Variants in SPTBN2 observed in about 807,000 individuals in gnomAD.
The protein encoded by SPTBN2 is spectrin beta chain, non-erythrocytic 2.
SPTBN2 carries 107 observed loss-of-function variants against 284.2 expected under a neutral mutation model. That is an observed-to-expected ratio of 0.38 (90% CI 0.32 to 0.44). SPTBN2 has a LOEUF of 0.44. Ranked by LOEUF, SPTBN2 falls within the 20% of genes least tolerant of loss-of-function variation. SPTBN2 has a pLI of 1.00. For missense variants in SPTBN2, 2,569 were observed against 3,287.1 expected, an observed-to-expected ratio of 0.78 and a Z score of 5.34; for synonymous variants, 1,289 against 1,354.8, an observed-to-expected ratio of 0.95 and a Z score of 1.07.
chr11:66,699,344 G>T, intron 18 of SPTBN2, 62 bp downstream of exon 18: 1 of 1,590,808 alleles, frequency 6.3e-7, no homozygotes. Context: ...TTATCTTTGA[G>T]GTCACCCTGT....
rs770986418 is a variant in SPTBN2 at position 66,708,291 on chromosome 11, C to A, written c.1200G>T (p.Glu400Asp). The change falls in exon 12 of 38, where the codon GAG becomes GAT. Residue 400 changes from glutamate (E) to aspartate (D), a missense_variant. By Grantham distance (45) the Glu-to-Asp change is conservative. Around this residue, in one of 6 missense-constraint regions of SPTBN2, gnomAD observed 304 missense variants for 522.1 expected, o/e 0.58. Coordinates refer to ENST00000533211, the MANE Select transcript of SPTBN2 (RefSeq NM_006946.4). The surrounding 1 kb of genome is among the most constrained non-coding windows in gnomAD (Gnocchi z 4.4). ...GCTCGTGCTCCGCCTTCTCCAGCCG[C>A]TCCCAAGCCTATGGGGTGGGGACAG... ...RLISDINKAW[E>D]RLEKAEHERE... 1.3e-6 allele frequency: 2 copies of A among 1,593,348 alleles called. No individual in the cohort carries two copies. Among genetic ancestry groups the A allele is most frequent in the African/African-American group, 2.7e-5 (2 of 74,640 alleles).
chr11:66,692,978 G>GTGCTCGTGGTCAATCATGTCCTGGC lies in SPTBN2; in HGVS notation c.4952_4976dup (p.His1659GlnfsTer6). The GTGCTCGTGGTCAATCATGTCCTGGC allele has an allele frequency of 6.2e-7, 1 of 1,605,888 alleles. No individual in the cohort carries two copies. The highest frequency in any genetic ancestry group is 8.5e-7 in the Non-Finnish European group (1 of 1,179,972). On this transcript the variant is annotated stop_gained and frameshift_variant, in exon 25 of 38. Coordinates refer to ENST00000533211, the MANE Select transcript of SPTBN2 (RefSeq NM_006946.4). LOFTEE classifies it high-confidence loss of function. ...GCTGCCGCTGCACCCACCTCTCTGG[G>GTGCTCGTGGTCAATCATGTCCTGGC]TGCTCGTGGTCAATCATGTCCTGGC...
In SPTBN2 at chr11:66,687,413, CAG is replaced by C; in HGVS notation, c.6722+12_6722+13del. The stretch of plus-strand genomic sequence containing the variant: ...GGAAGTGCCCTCTGAGAGCAGGCTC[CAG>C]AGAGGCTGTACCTGTTGGCAGCCTT... On this transcript the variant is annotated intron_variant, in intron 35 of 37. Coordinates refer to ENST00000533211, the MANE Select transcript of SPTBN2 (RefSeq NM_006946.4). This position sits in a 1 kb window ranked among gnomAD's most constrained non-coding sequence, Gnocchi z 5.2. 6.2e-7 allele frequency: 1 copy of C among 1,603,686 alleles called. No individual in the cohort carries two copies. Among genetic ancestry groups the C allele is most frequent in the Non-Finnish European group, 8.5e-7 (1 of 1,179,750 alleles).
chr11:66,706,100 G>A (rs1424331515), intron 13 of SPTBN2, among the ~76,000 whole-genome samples: 3 of 151,856 alleles, frequency 2.0e-5, no homozygotes, highest in Admixed American at 6.6e-5. Context: ...CAGAATCATC[G>A]ACACCCTCCT....
intron 5 of SPTBN2, among the ~76,000 whole-genome samples, chr11:66,714,802 TGAG>T (rs1565150169): frequency 6.6e-6 from 1 of 151,980 alleles, no homozygotes; most frequent in African/African-American, 2.4e-5. Flanking sequence ...CACTGGGGCA[TGAG>T]GAGGAGGAGG....
rs980317076 is a variant in SPTBN2 at position 66,689,695 on chromosome 11, G to A, written c.5949+110C>T. 44 of 1,520,474 alleles carry A rather than the reference G, an allele frequency of 2.9e-5. No individual in the cohort carries two copies. The Admixed American group carries it at 7.4e-4, about 25-fold the overall frequency. The allele number at this position is 1,520,474 out of a possible 1,614,324, so 94.2% of individuals were successfully genotyped here. ...ACCCGTGAATGGCACTGAGGGGAGA[G>A]AATGAAAGGTTTCTTGCAAAGAGAG... On this transcript the variant is annotated intron_variant, in intron 29 of 37. Transcript: ENST00000533211.
rs770362202 is a variant in SPTBN2, at chr11:66,688,160, G to C, written c.6374+9C>G. 1 of 1,613,452 alleles carries C rather than the reference G, an allele frequency of 6.2e-7. No homozygotes were observed. Among genetic ancestry groups the C allele is most frequent in the Non-Finnish European group, 8.5e-7 (1 of 1,180,030 alleles). ...CCGCCTCCTCCTACCCAGGCATCCTGGCTCTCACCCGTCCCAGGTGGTGTC... is the reference window on the plus strand; with the variant it reads ...CCGCCTCCTCCTACCCAGGCATCCTCGCTCTCACCCGTCCCAGGTGGTGTC... On this transcript the variant is annotated intron_variant, in intron 32 of 37. Transcript: ENST00000533211.
chr11:66,692,512 G>A (rs771306242), intron 26 of SPTBN2, 24 bp downstream of exon 26: 1 of 1,599,384 alleles, frequency 6.3e-7, no homozygotes, highest in East Asian at 2.2e-5. Flanking sequence ...GTTGATCTGA[G>A]CTGGGTGCCC....
chr11:66,713,967 C>T lies in SPTBN2; in HGVS notation c.656+124G>A, dbSNP rs150357396. 309 of 1,074,826 alleles carry T rather than the reference C, an allele frequency of 2.9e-4. 3 individuals carry two copies. In the East Asian group the frequency reaches 7.4e-3, roughly 26 times the overall value. 66.6% of individuals were successfully genotyped at this position (1,074,826 alleles called of 1,614,324 possible). Reference sequence around the variant, plus strand: ...CCTGCACCCCCATGTTCTGGTTCTGCTCCGAGTGCTATTCCTTCCGTCTGA... The same window carrying T: ...CCTGCACCCCCATGTTCTGGTTCTGTTCCGAGTGCTATTCCTTCCGTCTGA... On this transcript the variant is annotated intron_variant, in intron 7 of 37. Transcript: ENST00000533211.
rs952758838 is a variant in SPTBN2 at position 66,688,973 on chromosome 11, A to G, written c.6034+123T>C. ...CCACTGCCCCAGAGCTGTGCCAGGC[A>G]GCACGAAGATTGGGCATCGTGAGTT... On this transcript the variant is annotated intron_variant, in intron 30 of 37. Coordinates refer to ENST00000533211, the MANE Select transcript of SPTBN2 (RefSeq NM_006946.4). The G allele has an allele frequency of 3.4e-6, 5 of 1,469,116 alleles. No homozygotes were observed. In the African/African-American group the frequency reaches 5.6e-5, roughly 16 times the overall value. 91.0% of individuals were successfully genotyped at this position (1,469,116 alleles called of 1,614,324 possible).
chr11:66,727,255 C>T (rs1942651420), intron 1 of SPTBN2, among the ~76,000 whole-genome samples: 1 of 152,190 alleles, frequency 6.6e-6, no homozygotes, highest in Non-Finnish European at 1.5e-5. Flanking sequence ...CTCACTCTGC[C>T]CCTCTTCACC....
In SPTBN2 at chr11:66,687,094, C is replaced by T. The variant is rs138457770; in HGVS notation, c.6796G>A (p.Ala2266Thr). Reference sequence around the variant, plus strand: ...ACTTCTCCGTGGTATGGCACTCCCGCGCTGGCTGCCTTGGCATCCTTGTAA... The same window carrying T: ...ACTTCTCCGTGGTATGGCACTCCCGTGCTGGCTGCCTTGGCATCCTTGTAA... ...GFYKDAKAAS[A>T]GVPYHGEVPV... Residue 2266 changes from alanine to threonine, a missense_variant, in exon 36 of 38, where the codon GCG becomes ACG. Coordinates refer to ENST00000533211, the MANE Select transcript of SPTBN2 (RefSeq NM_006946.4). This position sits in a 1 kb window ranked among gnomAD's most constrained non-coding sequence, Gnocchi z 5.2. 54 of 1,614,004 alleles carry T rather than the reference C, an allele frequency of 3.3e-5. 1 individual carries two copies. The highest frequency in any genetic ancestry group is 1.4e-4 in the South Asian group (13 of 91,088).
intron 1 of SPTBN2, among the ~76,000 whole-genome samples, chr11:66,723,387 G>C (rs1016167239): frequency 6.6e-6 from 1 of 152,088 alleles, no homozygotes; most frequent in South Asian, 2.1e-4. Flanking sequence ...GAAGGAAGGA[G>C]GTCTGGAGAA....
At chr11:66,699,366 C>G in intron 18 of SPTBN2, 40 bp downstream of exon 18, 1 of 1,607,148 alleles carries the variant, frequency 6.2e-7, no homozygotes, top group Non-Finnish European at 8.5e-7. Flanking sequence ...TCTCCGATTC[C>G]CCCCTGGGAA....
At position 66,685,681 on chromosome 11, in the gene SPTBN2, A is replaced by G. The variant is rs2135282967; in HGVS notation, c.*190T>C. On this transcript the variant is annotated 3_prime_UTR_variant, in exon 38 of 38. Coordinates refer to ENST00000533211, the MANE Select transcript of SPTBN2 (RefSeq NM_006946.4). This position sits in a 1 kb window ranked among gnomAD's most constrained non-coding sequence, Gnocchi z 4.4. The stretch of plus-strand genomic sequence containing the variant: ...TGGGTCCCACCACCAGTCTGGAATT[A>G]AACAGCAGAAGAGAAGGGCTGCCCT... 1.6e-6 allele frequency: 1 copy of G among 620,266 alleles called. No individual in the cohort carries two copies. Among genetic ancestry groups the G allele is most frequent in the East Asian group, 2.8e-5 (1 of 35,380 alleles). The allele number at this position is 620,266 out of a possible 1,614,324, so 38.4% of individuals were successfully genotyped here.
intron 1 of SPTBN2, among the ~76,000 whole-genome samples, chr11:66,734,849 C>T (rs974343903): frequency 4.6e-5 from 7 of 152,192 alleles, no homozygotes; most frequent in Non-Finnish European, 1.0e-4. Context: ...AAAATGTTTT[C>T]ATATCAAATG....
chr11:66,702,002 C>T (rs368311748), intron 15 of SPTBN2, among the ~76,000 whole-genome samples: 11 of 152,164 alleles, frequency 7.2e-5, no homozygotes, highest in Non-Finnish European at 1.5e-4. Flanking sequence ...CAAACTAGAC[C>T]CTGGCATGGG....
chr11:66,724,869 C>A (rs1942556599), intron 1 of SPTBN2, among the ~76,000 whole-genome samples: 1 of 152,202 alleles, frequency 6.6e-6, no homozygotes, highest in African/African-American at 2.4e-5. Flanking sequence ...TTTCCAGAAC[C>A]AGAGACTGCC....
intron 1 of SPTBN2, among the ~76,000 whole-genome samples, chr11:66,739,220 C>A (rs775098396): frequency 1.3e-5 from 2 of 152,190 alleles, no homozygotes; most frequent in African/African-American, 2.4e-5. Flanking sequence ...GGATTACAGG[C>A]GTGAGCCACT....
Sources: gnomAD v4.1 joint callset for allele counts (sites outside exome capture counted in the v4.1 genomes callset) on GRCh38, gnomAD v4.1.1 for gene constraint, gnomAD v4.1.1 regional missense constraint, Gnocchi (gnomAD v3.1) non-coding constraint, MANE v1.5 for transcripts, NCBI Gene and HGNC (gene_info 2026-07-23, HGNC 2026-07-21) for gene names.